ROCK1: variants seen among roughly 807,000 people sequenced by gnomAD.
ROCK1 encodes the protein Rho associated coiled-coil containing protein kinase 1.
A neutral mutation model predicts 196.8 loss-of-function variants in ROCK1; 36 were observed. The observed-to-expected ratio is 0.18, with a 90% CI of 0.14 to 0.24. The LOEUF (loss-of-function observed/expected upper bound fraction) is 0.24. Ranked by LOEUF, ROCK1 falls within the 10% of genes least tolerant of loss-of-function variation. ROCK1 has a pLI of 1.00. For synonymous variants in ROCK1, 443 were observed against 515.9 expected, an observed-to-expected ratio of 0.86 and a Z score of 1.91; for missense variants, 920 against 1,562.0, an observed-to-expected ratio of 0.59 and a Z score of 6.93.
At chr18:21,030,510 T>G (rs1173137520) in intron 9 of ROCK1, among the ~76,000 whole-genome samples, 2 of 152,206 alleles carry the variant, frequency 1.3e-5, no homozygotes, top group African/African-American at 2.4e-5. Context: ...CTGCATTTTC[T>G]CTTGCTGTTT....
At chr18:21,088,584 C>T (rs984117472) in intron 1 of ROCK1, among the ~76,000 whole-genome samples, 10 of 152,120 alleles carry the variant, frequency 6.6e-5, no homozygotes, top group African/African-American at 1.9e-4. Flanking sequence ...AGAAAGGGAT[C>T]ATCTGAACAA....
chr18:20,951,677 G>A (rs958133752), intron 32 of ROCK1, among the ~76,000 whole-genome samples: 1 of 152,190 alleles, frequency 6.6e-6, no homozygotes, highest in Non-Finnish European at 1.5e-5. Context: ...TAAGTTAGCA[G>A]TAAGGTGATA....
chr18:20,986,286 A>G (rs1268322582), intron 19 of ROCK1, among the ~76,000 whole-genome samples: 1 of 152,124 alleles, frequency 6.6e-6, no homozygotes, highest in Non-Finnish European at 1.5e-5. Flanking sequence ...TGCCTTCCTT[A>G]TGCATCTTCT....
At chr18:21,069,098 G>A (rs2036361992) in intron 2 of ROCK1, among the ~76,000 whole-genome samples, 1 of 152,106 alleles carries the variant, frequency 6.6e-6, no homozygotes, top group Non-Finnish European at 1.5e-5. Flanking sequence ...TAGGTTTCTT[G>A]TAGATTCCCT....
chr18:21,025,357 T>C (rs1305509781), intron 10 of ROCK1, among the ~76,000 whole-genome samples: 1 of 152,216 alleles, frequency 6.6e-6, no homozygotes, highest in Non-Finnish European at 1.5e-5. Context: ...GGGATAAGAA[T>C]TTCAGAGGTT....
In ROCK1 at chr18:21,084,014, A is replaced by G. The variant is rs148893982; in HGVS notation, c.94-13401T>C. Among the ~76,000 whole-genome samples, 1,191 of 152,312 alleles carry G rather than the reference A, an allele frequency of 7.8e-3. 25 individuals are homozygous for G. The highest frequency in any genetic ancestry group is 0.028 in the African/African-American group (1,145 of 41,566). Reference sequence around the variant, plus strand: ...CAATTAATTTCAACATGTGTGACATAACCATTCAATAATGGACAGTCTTTT... The same window carrying G: ...CAATTAATTTCAACATGTGTGACATGACCATTCAATAATGGACAGTCTTTT... On this transcript the variant is annotated intron_variant, in intron 1 of 32. Transcript: ENST00000399799.
At chr18:21,002,427 C>T (rs928695346) in intron 16 of ROCK1, among the ~76,000 whole-genome samples, 3 of 152,100 alleles carry the variant, frequency 2.0e-5, no homozygotes, top group African/African-American at 7.2e-5. Flanking sequence ...CATGAGTTCA[C>T]AAATATATTT....
intron 22 of ROCK1, among the ~76,000 whole-genome samples, chr18:20,972,452 G>T: frequency 6.6e-6 from 1 of 152,076 alleles, no homozygotes; most frequent in Non-Finnish European, 1.5e-5. Flanking sequence ...GGATGTACTT[G>T]GACTCTGACA....
chr18:20,970,378 C>A lies in ROCK1; in HGVS notation c.2790G>T (p.Glu930Asp), dbSNP rs138237421. 2 of 1,613,748 alleles carry A rather than the reference C, an allele frequency of 1.2e-6. No individual in the cohort carries two copies. Among genetic ancestry groups the A allele is most frequent in the Admixed American group, 1.7e-5 (1 of 60,004 alleles). ...SKKAASRNRQEITDKDHTVSR... is the reference protein window; with the variant it reads ...SKKAASRNRQDITDKDHTVSR... ...TAACAGTGTGATCTTTATCTGTAAT[C>A]TCTTGTCTATTTCTTGAAGCAGCTT... is the stretch of plus-strand genomic sequence containing the variant. The change falls in exon 23 of 33, where the codon GAG (glutamate) becomes GAT (aspartate). Residue 930 changes from glutamate to aspartate, a missense_variant. Physicochemically the swap from Glu to Asp is conservative, Grantham distance 45 (BLOSUM62 2). This residue lies in a region of ROCK1 where 520 missense variants were observed against 657.1 expected (regional missense o/e 0.79). Coordinates refer to ENST00000399799, the MANE Select transcript of ROCK1 (RefSeq NM_005406.3).
At chr18:20,990,688 C>T (rs1300071247) in intron 18 of ROCK1, among the ~76,000 whole-genome samples, 2 of 83,174 alleles carry the variant, frequency 2.4e-5, no homozygotes, top group African/African-American at 5.7e-5. Flanking sequence ...AGCAAAACTT[C>T]GTCTCAAAAA....
At chr18:21,045,985 A>G (rs1456049657) in intron 4 of ROCK1, among the ~76,000 whole-genome samples, 1 of 131,210 alleles carries the variant, frequency 7.6e-6, no homozygotes, top group South Asian at 2.3e-4. Context: ...ATGTCGGCTC[A>G]CTGCAAGCTC....
intron 11 of ROCK1, among the ~76,000 whole-genome samples, chr18:21,022,632 C>T (rs2035922973): frequency 6.6e-6 from 1 of 152,136 alleles, no homozygotes; most frequent in African/African-American, 2.4e-5. Context: ...TTTCACAATG[C>T]TCTACGTTTT....
At chr18:21,104,528 T>C (rs1206562305) in intron 1 of ROCK1, among the ~76,000 whole-genome samples, 1 of 151,886 alleles carries the variant, frequency 6.6e-6, no homozygotes, top group Non-Finnish European at 1.5e-5. Context: ...ACCCAGGAGG[T>C]GGAGCTTGCA....
Position 20,954,835 on chromosome 18 carries a change from C to G in ROCK1, c.3801G>C (p.Lys1267Asn). 1 of 1,613,946 alleles carries G rather than the reference C, an allele frequency of 6.2e-7. No homozygotes were observed. The highest frequency in any genetic ancestry group is 8.5e-7 in the Non-Finnish European group (1 of 1,179,852). ...PALECRRCHV[K>N]CHRDHLDKKE... is the part of the protein sequence containing the mutation. ...TCTTATCTAAGTGATCTCTGTGGCA[C>G]TTAACATGGCATCTTCGACACTCTA... The change falls in exon 31 of 33, where the codon AAG becomes AAC. Residue 1267 changes from lysine (K) to asparagine (N), a missense_variant. Transcript: ENST00000399799.
chr18:21,071,677 T>C (rs1015701259), intron 1 of ROCK1, among the ~76,000 whole-genome samples: 8 of 152,110 alleles, frequency 5.3e-5, no homozygotes, highest in Admixed American at 1.3e-4. Flanking sequence ...GTTTGTATAA[T>C]TGAATAGCAC....
At chr18:20,963,140 CA>C (rs2035342736) in intron 27 of ROCK1, among the ~76,000 whole-genome samples, 1 of 151,830 alleles carries the variant, frequency 6.6e-6, no homozygotes, top group Non-Finnish European at 1.5e-5. Context: ...TACATATGTA[CA>C]AAAACAACTT....
chr18:21,070,074 AAAGT>A lies in ROCK1; in HGVS notation c.175+454_175+457del, dbSNP rs201793422. 9.4e-3 allele frequency among the ~76,000 whole-genome samples: 1,436 copies of A among 152,170 alleles called. 9 individuals are homozygous for A. The highest frequency in any genetic ancestry group is 0.014 in the Non-Finnish European group (926 of 67,940). On this transcript the variant is annotated intron_variant, in intron 2 of 32. Coordinates refer to ENST00000399799, the MANE Select transcript of ROCK1 (RefSeq NM_005406.3). ...TTATAGTTCAGAAACAGAAATAAAT[AAAGT>A]AAGGAGGACTTTATGATCTAAATCT...
rs1282686356 is a variant in ROCK1 at position 20,947,271 on chromosome 18, C to G, written c.*4113G>C. ...ACTTTGGAGATAATCCATTAGAAAA[C>G]ACAGCTAACTGTTAATAACAGTTAT... On this transcript the variant is annotated 3_prime_UTR_variant, in exon 33 of 33. Coordinates refer to ENST00000399799, the MANE Select transcript of ROCK1 (RefSeq NM_005406.3). The G allele has an allele frequency of 2.0e-5, 3 of 151,606 alleles. No homozygotes were observed. Among genetic ancestry groups the G allele is most frequent in the Non-Finnish European group, 4.4e-5 (3 of 67,914 alleles). The allele number at this position is 151,606 out of a possible 1,614,324, so 9.4% of individuals were successfully genotyped here. A position where few individuals can be genotyped will look rare whatever the true frequency, so the allele number is the denominator to read the frequency against.
intron 9 of ROCK1, among the ~76,000 whole-genome samples, chr18:21,031,883 GA>G (rs895790185): frequency 6.6e-6 from 1 of 151,526 alleles, no homozygotes. Context: ...ACAGGCAGAG[GA>G]AAAAAAACCA....
Sources: gnomAD v4.1 joint callset for allele counts (sites outside exome capture counted in the v4.1 genomes callset) on GRCh38, gnomAD v4.1.1 for gene constraint, gnomAD v4.1.1 regional missense constraint, MANE v1.5 for transcripts, NCBI Gene and HGNC (gene_info 2026-07-23, HGNC 2026-07-21) for gene names.